The following CELF2 variants were observed in gnomAD, a reference collection of about 807,000 sequenced individuals.
CELF2 encodes CUGBP Elav-like family member 2.
A neutral mutation model predicts 62.6 loss-of-function variants in CELF2; 8 were observed. The ratio of observed to expected loss-of-function variants is 0.13; its 90% CI spans 0.07 to 0.23. The LOEUF is 0.23. Among genes scored for constraint, CELF2 ranks in the 10% least tolerant of loss-of-function variants. CELF2 has a pLI of 1.00. For missense variants in CELF2, 333 were observed against 671.0 expected (o/e 0.50, Z 5.56); for synonymous variants, 258 against 250.0 (o/e 1.03, Z -0.30).
the CELF2 span, among the ~76,000 whole-genome samples, chr10:10,718,415 G>C: frequency 2.0e-5 from 3 of 152,040 alleles, no homozygotes; most frequent in Non-Finnish European, 4.4e-5. Context: ...CCTGAGGTCG[G>C]GAGTTCGAGA....
intron 1 of CELF2, among the ~76,000 whole-genome samples, chr10:10,873,421 C>T (rs548980275): frequency 6.6e-6 from 1 of 152,204 alleles, no homozygotes; most frequent in South Asian, 2.1e-4. Context: ...AATTGGTTGC[C>T]TTTGCTTTGA....
In CELF2 at chr10:11,011,773, T is replaced by C. The variant is rs2056509137; in HGVS notation, c.53+6333T>C. ...TAAGAGAAAGAAAAAAAATTTCCCCTAATGGACTTCATGGGAATTAGCATC... is the reference window on the plus strand; with the variant it reads ...TAAGAGAAAGAAAAAAAATTTCCCCCAATGGACTTCATGGGAATTAGCATC... On this transcript the variant is annotated intron_variant, in intron 1 of 12. Transcript: ENST00000416382. The surrounding 1 kb of genome is among the most constrained non-coding windows in gnomAD (Gnocchi z 4.6). 6.6e-6 allele frequency among the ~76,000 whole-genome samples: 1 copy of C among 152,000 alleles called. No individual in the cohort carries two copies. Among genetic ancestry groups the C allele is most frequent in the Non-Finnish European group, 1.5e-5 (1 of 68,012 alleles).
rs1482121444 is a variant in CELF2, at chr10:11,177,914, A to G, written c.271+12232A>G. 6.6e-6 allele frequency among the ~76,000 whole-genome samples: 1 copy of G among 152,122 alleles called. No homozygotes were observed. The highest frequency in any genetic ancestry group is 1.5e-5 in the Non-Finnish European group (1 of 68,016). ...TGCCCGTCACTCTCTGGGTGAAGCC[A>G]GTATGTCCTGGTGGTGGCCTTAGAA... is the stretch of plus-strand genomic sequence containing the variant. On this transcript the variant is annotated intron_variant, in intron 2 of 12. Coordinates refer to ENST00000633077, the MANE Select transcript of CELF2 (RefSeq NM_001326342.2). This position sits in a 1 kb window ranked among gnomAD's most constrained non-coding sequence, Gnocchi z 4.8.
At chr10:10,904,520 T>A (rs2063180794) in intron 1 of CELF2, among the ~76,000 whole-genome samples, 1 of 152,214 alleles carries the variant, frequency 6.6e-6, no homozygotes. Context: ...CATAAGCCAC[T>A]GTGTCCAACC....
intron 1 of CELF2, among the ~76,000 whole-genome samples, chr10:10,836,038 C>T (rs2132373820): frequency 6.6e-6 from 1 of 152,246 alleles, no homozygotes; most frequent in Admixed American, 6.5e-5. Flanking sequence ...GATAGTTCTT[C>T]CATAATTCTT....
chr10:10,568,241 A>G, the CELF2 span, among the ~76,000 whole-genome samples: 3 of 152,032 alleles, frequency 2.0e-5, no homozygotes, highest in African/African-American at 7.2e-5. Context: ...TTCCAAAAAG[A>G]TACTTGATAT....
chr10:11,044,716 T>C (rs1468357435), intron 1 of CELF2, among the ~76,000 whole-genome samples: 1 of 152,316 alleles, frequency 6.6e-6, no homozygotes, highest in East Asian at 1.9e-4. Flanking sequence ...TAGGATATAC[T>C]ATTGTAATAT....
chr10:11,211,385 G>A lies in CELF2; in HGVS notation c.272-6040G>A, dbSNP rs1254953854. ...ATCAAACCTTGGTTTAGAAACCTTG[G>A]AGGAAGTTTCTTTAATGAGTATGGT... On this transcript the variant is annotated intron_variant, in intron 2 of 12. Transcript: ENST00000633077. The surrounding 1 kb of genome is among the most constrained non-coding windows in gnomAD (Gnocchi z 4.8). Among the ~76,000 whole-genome samples the A allele has an allele frequency of 2.6e-5, 4 of 152,194 alleles. No homozygotes were observed. The highest frequency in any genetic ancestry group is 2.0e-4 in the Admixed American group (3 of 15,284).
At chr10:10,840,955 T>C (rs962272601) in intron 1 of CELF2, among the ~76,000 whole-genome samples, 37 of 152,258 alleles carry the variant, frequency 2.4e-4, no homozygotes, top group Admixed American at 1.1e-3. Context: ...GGTTTTCTGT[T>C]CCTGTGTTAG....
At chr10:11,230,001 T>A (rs184682091) in intron 3 of CELF2, among the ~76,000 whole-genome samples, 1 of 152,290 alleles carries the variant, frequency 6.6e-6, no homozygotes, top group East Asian at 1.9e-4. Context: ...TGACATAACT[T>A]GTTTTCATCT....
intron 1 of CELF2, among the ~76,000 whole-genome samples, chr10:10,823,548 GT>G (rs2057140571): frequency 6.6e-6 from 1 of 151,760 alleles, no homozygotes; most frequent in Non-Finnish European, 1.5e-5. Flanking sequence ...AGCTGTGTCT[GT>G]ATGTGTATCT....
At chr10:10,466,768 C>T in the CELF2 span, among the ~76,000 whole-genome samples, 1 of 152,056 alleles carries the variant, frequency 6.6e-6, no homozygotes, top group African/African-American at 2.4e-5. Flanking sequence ...AGTATTAACT[C>T]GCTGTGGTTT....
chr10:11,326,006 A>G, intron 12 of CELF2, 27 bp downstream of exon 12: 1 of 1,597,662 alleles, frequency 6.3e-7, no homozygotes, highest in Non-Finnish European at 8.5e-7. Context: ...AAGCTAGTAT[A>G]TTGCAGTAGG....
the CELF2 span, among the ~76,000 whole-genome samples, chr10:10,611,368 C>A: frequency 0.049 from 7,385 of 152,192 alleles, 538 homozygotes; most frequent in African/African-American, 0.16. Flanking sequence ...CCTCTTCATC[C>A]TTATATTTGA....
chr10:10,513,053 G>A, the CELF2 span, among the ~76,000 whole-genome samples: 3 of 152,090 alleles, frequency 2.0e-5, no homozygotes, highest in Admixed American at 6.5e-5. Context: ...AAGGCTGTTC[G>A]GATCACCCAC....
chr10:11,108,606 C>G (rs574285375), intron 1 of CELF2, among the ~76,000 whole-genome samples: 1 of 152,244 alleles, frequency 6.6e-6, no homozygotes. Flanking sequence ...GGCTGCAGGG[C>G]GCAAGCACAC....
rs1320566873 is a variant in CELF2, at chr10:11,165,258, C to A, written c.75-228C>A. ...GGCAGGGCGCTGCCCCGTGCTCCCC[C>A]GGCTCTGCTCGACAGCAGCACGCAG... is the stretch of plus-strand genomic sequence containing the variant. On this transcript the variant is annotated intron_variant, in intron 1 of 12. Coordinates refer to ENST00000633077, the MANE Select transcript of CELF2 (RefSeq NM_001326342.2). This position sits in a 1 kb window ranked among gnomAD's most constrained non-coding sequence, Gnocchi z 7.4. 3 of 1,371,524 alleles carry A rather than the reference C, an allele frequency of 2.2e-6. No individual in the cohort carries two copies. The highest frequency in any genetic ancestry group is 2.9e-5 in the East Asian group (1 of 34,338). The allele number at this position is 1,371,524 out of a possible 1,614,324, so 85.0% of individuals were successfully genotyped here.
Position 11,318,744 on chromosome 10 carries a change from C to G in CELF2, c.1097-2445C>G, listed in dbSNP as rs1366633992. The G allele has an allele frequency of 2.1e-6, 1 of 466,380 alleles. No homozygotes were observed. The highest frequency in any genetic ancestry group is 4.4e-6 in the Non-Finnish European group (1 of 224,760). The allele number at this position is 466,380 out of a possible 1,614,324, so 28.9% of individuals were successfully genotyped here. Reference sequence around the variant, plus strand: ...AGTTCAAAGTAGGAAGATAATTTTTCTGACCTGGAAATTAAAAAAACAGCT... The same window carrying G: ...AGTTCAAAGTAGGAAGATAATTTTTGTGACCTGGAAATTAAAAAAACAGCT... On this transcript the variant is annotated intron_variant, in intron 10 of 12. Transcript: ENST00000633077. This position sits in a 1 kb window ranked among gnomAD's most constrained non-coding sequence, Gnocchi z 5.4.
At chr10:10,815,850 G>C (rs1260943290) in intron 1 of CELF2, among the ~76,000 whole-genome samples, 1 of 151,240 alleles carries the variant, frequency 6.6e-6, no homozygotes, top group Non-Finnish European at 1.5e-5. Flanking sequence ...AAACACCATA[G>C]AGAAAGTGAG....
Sources: gnomAD v4.1 joint callset for allele counts (sites outside exome capture counted in the v4.1 genomes callset) on GRCh38, gnomAD v4.1.1 for gene constraint, Gnocchi (gnomAD v3.1) non-coding constraint, MANE v1.5 for transcripts, NCBI Gene and HGNC (gene_info 2026-07-23, HGNC 2026-07-21) for gene names.